Variants in CPNE8 observed in about 807,000 individuals in gnomAD.
CPNE8 encodes copine-8.
Under a neutral mutation model 81.5 loss-of-function variants are expected in CPNE8, and 45 were observed. The ratio of observed to expected loss-of-function variants is 0.55; its 90% CI spans 0.44 to 0.71. The LOEUF (loss-of-function observed/expected upper bound fraction) is 0.71. Among genes scored for constraint, CPNE8 ranks in the 30% least tolerant of loss-of-function variants. The pLI, the probability that CPNE8 is intolerant of heterozygous loss-of-function variation, is 0.00. For synonymous variants in CPNE8, 252 were observed against 226.3 expected, an observed-to-expected ratio of 1.11 and a Z score of -1.02; for missense variants, 594 against 672.1, an observed-to-expected ratio of 0.88 and a Z score of 1.28.
intron 7 of CPNE8, among the ~76,000 whole-genome samples, chr12:38,768,133 A>T (rs1006996693): frequency 6.6e-6 from 1 of 151,514 alleles, no homozygotes; most frequent in African/African-American, 2.4e-5. Context: ...TTTTTACTAC[A>T]TATCTAGTAT....
intron 4 of CPNE8, among the ~76,000 whole-genome samples, chr12:38,845,708 C>G (rs1474211912): frequency 6.6e-6 from 1 of 151,920 alleles, no homozygotes; most frequent in African/African-American, 2.4e-5. Context: ...TAATAATAAG[C>G]CTGTTCTTTC....
At chr12:38,661,657 A>G (rs1938955526) in intron 19 of CPNE8, among the ~76,000 whole-genome samples, 1 of 152,138 alleles carries the variant, frequency 6.6e-6, no homozygotes, top group Non-Finnish European at 1.5e-5. Context: ...GTATTCCACA[A>G]GGCCAGAACT....
chr12:38,726,820 T>C (rs1193049041), intron 11 of CPNE8, among the ~76,000 whole-genome samples: 2 of 152,182 alleles, frequency 1.3e-5, no homozygotes, highest in African/African-American at 4.8e-5. Context: ...ATGAGTCTTT[T>C]TGCTGTCAGC....
chr12:38,736,554 A>G (rs1481062421), intron 10 of CPNE8, among the ~76,000 whole-genome samples: 1 of 151,964 alleles, frequency 6.6e-6, no homozygotes, highest in Non-Finnish European at 1.5e-5. Flanking sequence ...ATTTTTAAGT[A>G]TATTCATAAT....
chr12:38,718,003 AAT>A (rs1377530526), intron 13 of CPNE8, among the ~76,000 whole-genome samples: 1 of 152,094 alleles, frequency 6.6e-6, no homozygotes, highest in Non-Finnish European at 1.5e-5. Context: ...ATTACCTTGA[AAT>A]ATCATACTTA....
intron 7 of CPNE8, among the ~76,000 whole-genome samples, chr12:38,774,312 C>T (rs1437301603): frequency 6.6e-6 from 1 of 152,086 alleles, no homozygotes; most frequent in African/African-American, 2.4e-5. Context: ...GTTAATATCA[C>T]CAAAAAGAAC....
At chr12:38,736,740 C>A (rs1192815902) in intron 10 of CPNE8, among the ~76,000 whole-genome samples, 1 of 151,910 alleles carries the variant, frequency 6.6e-6, no homozygotes, top group Non-Finnish European at 1.5e-5. Flanking sequence ...AATTTGCCTA[C>A]ACAAATAGAA....
chr12:38,855,541 G>A (rs371296072), intron 3 of CPNE8, among the ~76,000 whole-genome samples: 1 of 152,084 alleles, frequency 6.6e-6, no homozygotes, highest in Non-Finnish European at 1.5e-5. Flanking sequence ...CAGTGGAACA[G>A]GACTGAGAGT....
intron 6 of CPNE8, among the ~76,000 whole-genome samples, chr12:38,786,928 C>T (rs1161786721): frequency 6.6e-6 from 1 of 152,014 alleles, no homozygotes; most frequent in Admixed American, 6.5e-5. Flanking sequence ...TACATATGCG[C>T]CCAACACTGA....
rs1216834124 is a variant in CPNE8 at position 38,687,370 on chromosome 12, CTTTCTTTT to C, written c.1144-1761_1144-1754del. Among the ~76,000 whole-genome samples the C allele has an allele frequency of 2.3e-4, 22 of 95,526 alleles. No individual in the cohort carries two copies. The East Asian group carries it at 5.6e-3, about 24-fold the overall frequency. 62.7% of individuals were successfully genotyped at this position (95,526 alleles called of 152,430 possible). A position where few individuals can be genotyped will look rare whatever the true frequency, so the allele number is the denominator to read the frequency against. ...GCTACCAAATTACGAAATGCCAAGA[CTTTCTTTT>C]TTTTTTTTTTTTTTTTTTTGTGAGA... is the stretch of plus-strand genomic sequence containing the variant. On this transcript the variant is annotated intron_variant, in intron 15 of 19. Coordinates refer to ENST00000331366, the MANE Select transcript of CPNE8 (RefSeq NM_153634.3).
chr12:38,861,175 C>T (rs1943827794), intron 3 of CPNE8, among the ~76,000 whole-genome samples: 1 of 152,040 alleles, frequency 6.6e-6, no homozygotes, highest in African/African-American at 2.4e-5. Context: ...CATGAGGTAT[C>T]TAAAATAGTC....
At chr12:38,716,791 G>A (rs1048981827) in intron 13 of CPNE8, among the ~76,000 whole-genome samples, 3 of 151,986 alleles carry the variant, frequency 2.0e-5, no homozygotes, top group African/African-American at 7.2e-5. Context: ...AAACAAATCA[G>A]ACCTAATTAA....
At chr12:38,731,333 G>A (rs1371834252) in intron 10 of CPNE8, among the ~76,000 whole-genome samples, 1 of 151,842 alleles carries the variant, frequency 6.6e-6, no homozygotes, top group Non-Finnish European at 1.5e-5. Flanking sequence ...AAACTGAATC[G>A]CTTAAAATCC....
At position 38,703,791 on chromosome 12, in the gene CPNE8, A is replaced by G. The variant is rs1940015775; in HGVS notation, c.915-870T>C. 3.3e-5 allele frequency among the ~76,000 whole-genome samples: 5 copies of G among 152,178 alleles called. 1 individual carries two copies. The South Asian group carries it at 8.3e-4, about 25-fold the overall frequency. On this transcript the variant is annotated intron_variant, in intron 13 of 19. Transcript: ENST00000331366. Reference sequence around the variant, plus strand: ...GTACAAAAATCAGTAGCTTGTTTATATACCAATAATGTTCAAGCTGAGGGC... The same window carrying G: ...GTACAAAAATCAGTAGCTTGTTTATGTACCAATAATGTTCAAGCTGAGGGC...
chr12:38,740,623 C>A (rs994197658), intron 10 of CPNE8, among the ~76,000 whole-genome samples: 4 of 152,106 alleles, frequency 2.6e-5, no homozygotes, highest in Non-Finnish European at 5.9e-5. Flanking sequence ...TTGTCAAAGG[C>A]CTTTTCTGCA....
chr12:38,656,554 A>C (rs1204618206), intron 19 of CPNE8, among the ~76,000 whole-genome samples: 1 of 152,056 alleles, frequency 6.6e-6, no homozygotes, highest in East Asian at 1.9e-4. Context: ...ATTCTCAGAA[A>C]CTTTGGAATT....
intron 6 of CPNE8, among the ~76,000 whole-genome samples, chr12:38,795,855 A>AGATG (rs879746840): frequency 9.2e-6 from 1 of 108,302 alleles, no homozygotes; most frequent in African/African-American, 3.3e-5. Flanking sequence ...ATATGATGAT[A>AGATG]GATGGATGGA....
At chr12:38,717,836 A>G (rs1387648602) in intron 13 of CPNE8, among the ~76,000 whole-genome samples, 2 of 152,048 alleles carry the variant, frequency 1.3e-5, no homozygotes, top group Non-Finnish European at 2.9e-5. Context: ...GAAGTCAGAA[A>G]AAAAAAGTTC....
chr12:38,842,591 T>C (rs966806661), intron 4 of CPNE8, among the ~76,000 whole-genome samples: 4 of 147,228 alleles, frequency 2.7e-5, no homozygotes, highest in Non-Finnish European at 6.0e-5. Context: ...TTTTTTTTTT[T>C]TGGAGTCAGA....
Sources: gnomAD v4.1 joint callset for allele counts (sites outside exome capture counted in the v4.1 genomes callset) on GRCh38, gnomAD v4.1.1 for gene constraint, MANE v1.5 for transcripts, NCBI Gene and HGNC (gene_info 2026-07-23, HGNC 2026-07-21) for gene names.